SLC25A26: variants seen among roughly 807,000 people sequenced by gnomAD.
SLC25A26 encodes the protein mitochondrial S-adenosylmethionine carrier protein.
A neutral mutation model predicts 37.8 loss-of-function variants in SLC25A26; 36 were observed. The observed-to-expected ratio is 0.95, with a 90% CI of 0.73 to 1.26. SLC25A26 has a LOEUF of 1.26. Ranked by LOEUF, SLC25A26 falls within the 50% of genes most tolerant of loss-of-function variation. The pLI, the probability that SLC25A26 is intolerant of heterozygous loss-of-function variation, is 0.00. For missense variants in SLC25A26, 390 were observed against 331.1 expected (o/e 1.18, Z -1.38); for synonymous variants, 129 against 122.5 (o/e 1.05, Z -0.35).
rs1297155698 is a variant in SLC25A26 at position 66,236,723 on chromosome 3, C to A, written c.190+23C>A. The A allele has an allele frequency of 1.2e-5, 18 of 1,481,704 alleles. 1 individual carries two copies. In the Admixed American group the frequency reaches 3.4e-4, roughly 28 times the overall value. The allele number at this position is 1,481,704 out of a possible 1,614,324, so 91.8% of individuals were successfully genotyped here. ...ATGGTAAAAAATTATATTCTCACTTCTGTAAAGCCAAGATAAGATGGGATT... is the reference window on the plus strand; with the variant it reads ...ATGGTAAAAAATTATATTCTCACTTATGTAAAGCCAAGATAAGATGGGATT... On this transcript the variant is annotated intron_variant, in intron 2 of 9. Coordinates refer to ENST00000354883, the MANE Select transcript of SLC25A26 (RefSeq NM_001379210.1).
At chr3:66,362,127 TG>T (rs1188392180) in intron 6 of SLC25A26, among the ~76,000 whole-genome samples, 1 of 152,228 alleles carries the variant, frequency 6.6e-6, no homozygotes, top group African/African-American at 2.4e-5. Context: ...GAAAACAGTT[TG>T]GCAGTTCTTA....
At chr3:66,284,825 T>A in intron 5 of SLC25A26, among the ~76,000 whole-genome samples, 1 of 152,244 alleles carries the variant, frequency 6.6e-6, no homozygotes, top group East Asian at 1.9e-4. Context: ...GGCGAAAGGT[T>A]AATAATATTT....
intron 1 of SLC25A26, among the ~76,000 whole-genome samples, chr3:66,148,022 G>GT (rs1208996741): frequency 1.3e-5 from 2 of 152,178 alleles, no homozygotes; most frequent in Non-Finnish European, 2.9e-5. Flanking sequence ...CTCCCAAAGT[G>GT]TTGGGATTAT....
At chr3:66,258,442 A>C (rs1330006705) in intron 3 of SLC25A26, among the ~76,000 whole-genome samples, 2 of 152,176 alleles carry the variant, frequency 1.3e-5, no homozygotes, top group East Asian at 1.9e-4. Flanking sequence ...AAATAACTTA[A>C]GTGACTTAAT....
chr3:66,157,401 G>C (rs571156384), intron 1 of SLC25A26, among the ~76,000 whole-genome samples: 48 of 152,232 alleles, frequency 3.2e-4, no homozygotes, highest in African/African-American at 1.1e-3. Context: ...ACCAGTCTAG[G>C]CAACACAGTG....
chr3:66,342,198 C>G (rs1392354872), intron 5 of SLC25A26, among the ~76,000 whole-genome samples: 3 of 152,086 alleles, frequency 2.0e-5, no homozygotes, highest in Non-Finnish European at 4.4e-5. Context: ...ACATGGCAGG[C>G]CTACCAATTC....
chr3:66,342,651 G>T (rs72902971), intron 5 of SLC25A26, among the ~76,000 whole-genome samples: 6,916 of 152,106 alleles, frequency 0.045, 510 homozygotes, highest in African/African-American at 0.16. Context: ...ATGTAATTTT[G>T]TTCTTTATTT....
chr3:66,185,940 C>T (rs2070818049), intron 1 of SLC25A26, among the ~76,000 whole-genome samples: 1 of 152,042 alleles, frequency 6.6e-6, no homozygotes, highest in African/African-American at 2.4e-5. Flanking sequence ...TTTACCTTCA[C>T]ATTCACCCTG....
chr3:66,266,190 G>T (rs1169125568), intron 5 of SLC25A26, among the ~76,000 whole-genome samples: 1 of 151,040 alleles, frequency 6.6e-6, no homozygotes, highest in Non-Finnish European at 1.5e-5. Context: ...TTTAGTTGAG[G>T]TATTGCTTTT....
intron 5 of SLC25A26, among the ~76,000 whole-genome samples, chr3:66,284,490 A>G (rs931751189): frequency 1.3e-5 from 2 of 152,242 alleles, no homozygotes; most frequent in African/African-American, 4.8e-5. Flanking sequence ...TACCTAACAG[A>G]AATGCACATG....
At chr3:66,372,453 T>C (rs1454266383) in intron 9 of SLC25A26, among the ~76,000 whole-genome samples, 2 of 152,216 alleles carry the variant, frequency 1.3e-5, no homozygotes, top group Non-Finnish European at 2.9e-5. Flanking sequence ...GCATGTCTTA[T>C]ACTTGACGTT....
intron 1 of SLC25A26, among the ~76,000 whole-genome samples, chr3:66,134,233 G>T (rs1217458400): frequency 1.3e-5 from 2 of 152,210 alleles, no homozygotes; most frequent in Non-Finnish European, 2.9e-5. Flanking sequence ...CATGGCCGCA[G>T]TAAATAATAA....
intron 1 of SLC25A26, among the ~76,000 whole-genome samples, chr3:66,170,805 T>G (rs992052769): frequency 1.7e-3 from 220 of 127,538 alleles, no homozygotes; most frequent in Middle Eastern, 0.011. Flanking sequence ...TTTTTTTTTT[T>G]TTTTTTTTTT....
intron 1 of SLC25A26, among the ~76,000 whole-genome samples, chr3:66,147,141 C>G (rs1231755017): frequency 9.9e-6 from 1 of 101,362 alleles, no homozygotes; most frequent in Non-Finnish European, 2.0e-5. Context: ...CCCCTGCCCT[C>G]CCCGTCCCTC....
intron 6 of SLC25A26, among the ~76,000 whole-genome samples, chr3:66,361,776 C>T (rs2107803097): frequency 6.6e-6 from 1 of 152,208 alleles, no homozygotes; most frequent in Non-Finnish European, 1.5e-5. Context: ...CCAGCCTGGC[C>T]AACATGGTGA....
At chr3:66,334,251 G>T (rs2076044374) in intron 5 of SLC25A26, among the ~76,000 whole-genome samples, 1 of 152,168 alleles carries the variant, frequency 6.6e-6, no homozygotes, top group Non-Finnish European at 1.5e-5. Flanking sequence ...ACTTAATTTT[G>T]AGACTTAGCC....
intron 6 of SLC25A26, among the ~76,000 whole-genome samples, chr3:66,348,938 C>A (rs975432114): frequency 6.6e-6 from 1 of 152,132 alleles, no homozygotes; most frequent in African/African-American, 2.4e-5. Flanking sequence ...GACAAAAGAA[C>A]AATGAAGCCA....
chr3:66,197,887 A>C, intron 1 of SLC25A26, among the ~76,000 whole-genome samples: 2 of 152,280 alleles, frequency 1.3e-5, no homozygotes, highest in Middle Eastern at 3.4e-3. Flanking sequence ...TTCAGGGTAA[A>C]GTCAGCTCAG....
intron 5 of SLC25A26, among the ~76,000 whole-genome samples, chr3:66,324,637 GAACTAA>G (rs1187522055): frequency 6.6e-6 from 1 of 152,164 alleles, no homozygotes; most frequent in Admixed American, 6.5e-5. Flanking sequence ...GTTAAACTCT[GAACTAA>G]ATTCCTCCCA....
Sources: allele counts gnomAD v4.1 joint callset (sites outside exome capture counted in the v4.1 genomes callset), GRCh38; gene constraint gnomAD v4.1.1; transcripts MANE v1.5; gene names NCBI Gene and HGNC (gene_info 2026-07-23, HGNC 2026-07-21).